WDPCP: variants seen among roughly 807,000 people sequenced by gnomAD.
WDPCP encodes the protein WD repeat containing planar cell polarity effector.
A neutral mutation model predicts 93.1 loss-of-function variants in WDPCP; 71 were observed. The ratio of observed to expected loss-of-function variants is 0.76; its 90% CI spans 0.63 to 0.93. WDPCP has a LOEUF of 0.93. Ranked by LOEUF, WDPCP falls within the 40% of genes least tolerant of loss-of-function variation. The pLI is 0.00. For missense variants in WDPCP, 844 were observed against 887.4 expected, an observed-to-expected ratio of 0.95 and a Z score of 0.62; for synonymous variants, 315 against 315.0, an observed-to-expected ratio of 1.00 and a Z score of 0.00.
At chr2:63,256,711 T>C (rs1006985965) in intron 14 of WDPCP, among the ~76,000 whole-genome samples, 2 of 152,126 alleles carry the variant, frequency 1.3e-5, no homozygotes, top group East Asian at 1.9e-4. Context: ...GTAGAATAAA[T>C]TGAAGTACAT....
At chr2:63,262,870 T>C (rs935939329) in intron 13 of WDPCP, among the ~76,000 whole-genome samples, 4 of 152,222 alleles carry the variant, frequency 2.6e-5, no homozygotes, top group Non-Finnish European at 5.9e-5. Context: ...ACCTTCTGCT[T>C]CAGTCTCCTG....
At chr2:63,716,271 C>T (rs1216739059) in intron 2 of WDPCP, among the ~76,000 whole-genome samples, 3 of 152,132 alleles carry the variant, frequency 2.0e-5, no homozygotes, top group South Asian at 2.1e-4. Context: ...GACCTCTCTG[C>T]CTGTATCTAA....
At chr2:63,706,906 G>A (rs1355941904) in intron 2 of WDPCP, among the ~76,000 whole-genome samples, 1 of 152,052 alleles carries the variant, frequency 6.6e-6, no homozygotes, top group Non-Finnish European at 1.5e-5. Flanking sequence ...ATGAGCCACC[G>A]TGCCCGGCCT....
chr2:63,194,435 T>C (rs980201543), intron 14 of WDPCP, among the ~76,000 whole-genome samples: 2 of 152,208 alleles, frequency 1.3e-5, no homozygotes, highest in African/African-American at 2.4e-5. Flanking sequence ...GTGATCTCTA[T>C]GGAAGTTATG....
chr2:63,293,860 G>A (rs1458804004), intron 13 of WDPCP, among the ~76,000 whole-genome samples: 1 of 152,054 alleles, frequency 6.6e-6, no homozygotes, highest in Non-Finnish European at 1.5e-5. Flanking sequence ...AGAGCCTAAC[G>A]GACCTGAGAC....
intron 1 of WDPCP, among the ~76,000 whole-genome samples, chr2:63,548,201 A>G (rs1705302375): frequency 6.6e-6 from 1 of 152,126 alleles, no homozygotes; most frequent in Non-Finnish European, 1.5e-5. Context: ...ATATAAGGAA[A>G]CACAAAGACT....
chr2:63,570,324 C>T (rs1453065093), intron 1 of WDPCP, among the ~76,000 whole-genome samples: 3 of 152,250 alleles, frequency 2.0e-5, no homozygotes, highest in South Asian at 2.1e-4. Context: ...CTGGACAAAA[C>T]GCAGAGAATT....
chr2:63,345,893 A>C (rs1188224466), intron 12 of WDPCP, among the ~76,000 whole-genome samples: 1 of 152,178 alleles, frequency 6.6e-6, no homozygotes, highest in African/African-American at 2.4e-5. Context: ...TGCCAGGCTG[A>C]TAACTACAGT....
intron 1 of WDPCP, among the ~76,000 whole-genome samples, chr2:63,516,879 G>A (rs1231648676): frequency 6.6e-6 from 1 of 151,990 alleles, no homozygotes; most frequent in Non-Finnish European, 1.5e-5. Context: ...CAGCAACATG[G>A]TGGCTACATA....
rs769180655 is a variant in WDPCP, at chr2:63,433,879, T to C, written c.691A>G (p.Ile231Val). Reference sequence around the variant, plus strand: ...ACAACTCTATCATGAACACAGTTGATAGCTAGATGTCGCTCTGTTGTCTTG... The same window carrying C: ...ACAACTCTATCATGAACACAGTTGACAGCTAGATGTCGCTCTGTTGTCTTG... ...INKTTERHLA[I>V]NCVHDRVVCW... is the part of the protein sequence containing the mutation. The change falls in exon 9 of 18, where the codon ATC becomes GTC. Residue 231 changes from isoleucine to valine, a missense_variant. Coordinates refer to ENST00000272321, the MANE Select transcript of WDPCP (RefSeq NM_015910.7). The C allele has an allele frequency of 1.4e-5, 22 of 1,613,906 alleles. No individual in the cohort carries two copies. The Admixed American group carries it at 2.5e-4, about 18-fold the overall frequency.
At chr2:63,700,306 A>AAAAAAAAAAAG (rs1558887470) in intron 2 of WDPCP, among the ~76,000 whole-genome samples, 1 of 146,142 alleles carries the variant, frequency 6.8e-6, no homozygotes. Context: ...AAAAAAAACA[A>AAAAAAAAAAAG]AAAGAAAAAA....
At chr2:63,694,767 G>A (rs974125635) in intron 2 of WDPCP, among the ~76,000 whole-genome samples, 1 of 152,110 alleles carries the variant, frequency 6.6e-6, no homozygotes, top group African/African-American at 2.4e-5. Context: ...AATGTAGCAG[G>A]TATGTATAAG....
intron 1 of WDPCP, among the ~76,000 whole-genome samples, chr2:63,501,465 C>T (rs1329048108): frequency 6.6e-6 from 1 of 152,178 alleles, no homozygotes. Context: ...ACTCAGGAGG[C>T]TGACAGAGGA....
chr2:63,437,962 G>A (rs1016077614), intron 7 of WDPCP: 5 of 1,498,310 alleles, frequency 3.3e-6, no homozygotes, highest in Middle Eastern at 1.8e-4. Context: ...ATTTATTAGG[G>A]GATACTGATC....
At chr2:63,262,600 A>G (rs1349719892) in intron 13 of WDPCP, among the ~76,000 whole-genome samples, 1 of 151,122 alleles carries the variant, frequency 6.6e-6, no homozygotes, top group Non-Finnish European at 1.5e-5. Context: ...AGATGGTTCT[A>G]TTTGTGGTAC....
intron 1 of WDPCP, among the ~76,000 whole-genome samples, chr2:63,552,760 T>C (rs1158340146): frequency 6.6e-6 from 1 of 152,186 alleles, no homozygotes; most frequent in African/African-American, 2.4e-5. Context: ...AGAGAAATCA[T>C]TAGGGACCAG....
intron 2 of WDPCP, among the ~76,000 whole-genome samples, chr2:63,786,055 T>A (rs542742087): frequency 6.6e-6 from 1 of 152,348 alleles, no homozygotes; most frequent in Admixed American, 6.5e-5. Context: ...CTTCTTTTTT[T>A]CTGAGACAGG....
At chr2:63,808,682 C>A (rs8179829) in intron 2 of WDPCP, among the ~76,000 whole-genome samples, 1 of 152,168 alleles carries the variant, frequency 6.6e-6, no homozygotes, top group South Asian at 2.1e-4. Flanking sequence ...GGCGTGATCT[C>A]GGCTCGCTAC....
At chr2:63,622,315 C>A in intron 3 of WDPCP, 3 of 1,596,112 alleles carry the variant, frequency 1.9e-6, no homozygotes, top group East Asian at 2.2e-5. Flanking sequence ...TTGGAAGGGG[C>A]CTCGCCTTGC....
Sources: allele counts gnomAD v4.1 joint callset (sites outside exome capture counted in the v4.1 genomes callset), GRCh38; gene constraint gnomAD v4.1.1; transcripts MANE v1.5; gene names NCBI Gene and HGNC (gene_info 2026-07-23, HGNC 2026-07-21).